Variants in ZNF385D observed in about 807,000 individuals in gnomAD.
ZNF385D encodes the protein zinc finger protein 385D.
A neutral mutation model predicts 35.8 loss-of-function variants in ZNF385D; 15 were observed. That is an observed-to-expected ratio of 0.42 (90% CI 0.28 to 0.64). The LOEUF is 0.64. Among genes scored for constraint, ZNF385D ranks in the 30% least tolerant of loss-of-function variants. The probability of loss-of-function intolerance (pLI) is 0.23; values close to 1 mark genes in which losing one functional copy is unlikely to be tolerated. For synonymous variants in ZNF385D, 212 were observed against 186.8 expected (o/e 1.13, Z -1.10); for missense variants, 474 against 494.6 (o/e 0.96, Z 0.39).
At chr3:22,143,799 T>C (rs879737054) in intron 3 of ZNF385D, among the ~76,000 whole-genome samples, 1 of 152,208 alleles carries the variant, frequency 6.6e-6, no homozygotes, top group African/African-American at 2.4e-5. Context: ...TTTGAATTCA[T>C]CTTCCAGCCC....
intron 3 of ZNF385D, among the ~76,000 whole-genome samples, chr3:21,947,985 A>G (rs551786472): frequency 2.0e-3 from 306 of 152,174 alleles, no homozygotes; most frequent in African/African-American, 6.7e-3. Flanking sequence ...CCACTTGAAA[A>G]ACCCACTCTT....
At chr3:21,633,427 CTA>C (rs1050720482) in intron 2 of ZNF385D, among the ~76,000 whole-genome samples, 7 of 151,848 alleles carry the variant, frequency 4.6e-5, no homozygotes, top group African/African-American at 1.7e-4. Flanking sequence ...AACAACAAAA[CTA>C]AAAATAAAGC....
At chr3:22,137,179 C>T (rs114071982) in intron 3 of ZNF385D, among the ~76,000 whole-genome samples, 4,651 of 152,180 alleles carry the variant, frequency 0.031, 209 homozygotes, top group African/African-American at 0.1. Context: ...ACCTCAACTA[C>T]TTAAGAATAG....
chr3:21,564,490 G>A, intron 3 of ZNF385D, 84 bp downstream of exon 3: 1 of 791,154 alleles, frequency 1.3e-6, no homozygotes, highest in South Asian at 2.6e-5. Flanking sequence ...TGGAGAAAAT[G>A]TCTTAAGAAA....
chr3:22,338,290 T>C (rs544031440), intron 2 of ZNF385D, among the ~76,000 whole-genome samples: 1 of 152,200 alleles, frequency 6.6e-6, no homozygotes, highest in Non-Finnish European at 1.5e-5. Flanking sequence ...AACTCTATTT[T>C]CTGACAAAGA....
At chr3:22,302,514 CCTT>C (rs1458697267) in intron 2 of ZNF385D, among the ~76,000 whole-genome samples, 2 of 151,842 alleles carry the variant, frequency 1.3e-5, no homozygotes, top group African/African-American at 4.8e-5. Context: ...TTGGGTCTGT[CCTT>C]AGTGTAAACA....
chr3:22,268,073 G>T (rs113404241), intron 2 of ZNF385D, among the ~76,000 whole-genome samples: 1 of 151,868 alleles, frequency 6.6e-6, no homozygotes, highest in African/African-American at 2.4e-5. Context: ...AATTTATTTT[G>T]CAGTTTCAGG....
chr3:22,124,269 T>TGG (rs1703295631), intron 3 of ZNF385D, among the ~76,000 whole-genome samples: 1 of 152,144 alleles, frequency 6.6e-6, no homozygotes, highest in Non-Finnish European at 1.5e-5. Flanking sequence ...TCATTCTTTG[T>TGG]AATGGCTGAA....
rs576913991 is a variant in ZNF385D, at chr3:21,729,268, C to A, written c.22+21627G>T. Reference sequence around the variant, plus strand: ...ATATAAGCAACGAAAATTTTAAAAACAATAAAACCCTAAAATCAATTTGCT... The same window carrying A: ...ATATAAGCAACGAAAATTTTAAAAAAAATAAAACCCTAAAATCAATTTGCT... On this transcript the variant is annotated intron_variant, in intron 1 of 7. Coordinates refer to ENST00000281523, the MANE Select transcript of ZNF385D (RefSeq NM_024697.3). 3.2e-4 allele frequency among the ~76,000 whole-genome samples: 49 copies of A among 152,224 alleles called. No individual in the cohort carries two copies. The South Asian group carries it at 1.0e-2, about 31-fold the overall frequency.
chr3:22,361,608 C>G (rs1686396860), intron 2 of ZNF385D, among the ~76,000 whole-genome samples: 1 of 151,994 alleles, frequency 6.6e-6, no homozygotes, highest in Non-Finnish European at 1.5e-5. Flanking sequence ...CATCTCCATT[C>G]CATTCATGTA....
intron 2 of ZNF385D, among the ~76,000 whole-genome samples, chr3:21,606,521 T>A (rs1040535126): frequency 5.3e-5 from 8 of 152,186 alleles, no homozygotes; most frequent in African/African-American, 1.9e-4. Context: ...TTGATATAGA[T>A]GAAGAAACTG....
At chr3:21,964,991 A>G (rs548756284) in intron 3 of ZNF385D, among the ~76,000 whole-genome samples, 3 of 152,280 alleles carry the variant, frequency 2.0e-5, no homozygotes, top group East Asian at 3.9e-4. Flanking sequence ...ACATCATTCC[A>G]TTCAGTTACA....
intron 2 of ZNF385D, among the ~76,000 whole-genome samples, chr3:22,255,418 C>A (rs138114343): frequency 6.6e-6 from 1 of 151,728 alleles, no homozygotes; most frequent in Non-Finnish European, 1.5e-5. Flanking sequence ...AACTTACTTA[C>A]ACACACTTAA....
intron 1 of ZNF385D, among the ~76,000 whole-genome samples, chr3:21,732,064 T>TGAGAACGGAG: frequency 1.0e-5 from 1 of 97,474 alleles, no homozygotes; most frequent in Non-Finnish European, 2.0e-5. Context: ...TTTTTTTTTT[T>TGAGAACGGAG]TTTTTGAGAA....
At chr3:21,621,721 A>G (rs2065011939) in intron 2 of ZNF385D, among the ~76,000 whole-genome samples, 1 of 152,088 alleles carries the variant, frequency 6.6e-6, no homozygotes, top group East Asian at 1.9e-4. Flanking sequence ...ATTAGCTACT[A>G]AGGAAAAATG....
intron 2 of ZNF385D, among the ~76,000 whole-genome samples, chr3:22,314,298 A>G (rs978059564): frequency 1.3e-5 from 2 of 151,954 alleles, no homozygotes; most frequent in African/African-American, 2.4e-5. Flanking sequence ...CTGAGTCCCC[A>G]AAGTCTATCG....
chr3:22,366,592 T>A (rs1696667572), intron 2 of ZNF385D, among the ~76,000 whole-genome samples: 1 of 152,170 alleles, frequency 6.6e-6, no homozygotes, highest in Non-Finnish European at 1.5e-5. Flanking sequence ...TTTTCACACA[T>A]CTTGCATAAT....
At chr3:21,668,152 G>C (rs2066461949) in intron 1 of ZNF385D, among the ~76,000 whole-genome samples, 1 of 152,130 alleles carries the variant, frequency 6.6e-6, no homozygotes, top group Non-Finnish European at 1.5e-5. Context: ...TCAGCTGCTT[G>C]GAGTGCTGGT....
At chr3:22,125,515 T>G (rs1479637168) in intron 3 of ZNF385D, among the ~76,000 whole-genome samples, 2 of 152,130 alleles carry the variant, frequency 1.3e-5, no homozygotes, top group Admixed American at 6.6e-5. Flanking sequence ...GTATGAACAT[T>G]TTAACAATAT....
Sources: allele counts gnomAD v4.1 joint callset (sites outside exome capture counted in the v4.1 genomes callset), GRCh38; gene constraint gnomAD v4.1.1; transcripts MANE v1.5; gene names NCBI Gene and HGNC (gene_info 2026-07-23, HGNC 2026-07-21).